Variants in TMEM232 observed in about 807,000 individuals in gnomAD.
TMEM232 encodes transmembrane protein 232.
In TMEM232, 80 loss-of-function variants were observed where a neutral mutation model predicts 78.8. That is an observed-to-expected ratio of 1.01 (90% CI 0.85 to 1.22). The LOEUF (loss-of-function observed/expected upper bound fraction) is 1.22, where lower values mean the gene tolerates loss of function less well. Among genes scored for constraint, TMEM232 ranks in the 50% most tolerant of loss-of-function variants. TMEM232 has a pLI of 0.00. For synonymous variants in TMEM232, 297 were observed against 254.3 expected (o/e 1.17, Z -1.60); for missense variants, 881 against 742.2 (o/e 1.19, Z -2.17).
intron 11 of TMEM232, among the ~76,000 whole-genome samples, chr5:110,552,851 G>T (rs957746578): frequency 1.3e-5 from 2 of 152,034 alleles, no homozygotes; most frequent in Non-Finnish European, 2.9e-5. Flanking sequence ...TAGGCTTTCT[G>T]CTAGGGTTTT....
intron 11 of TMEM232, among the ~76,000 whole-genome samples, chr5:110,541,941 G>A (rs7709186): frequency 0.013 from 2,020 of 152,244 alleles, 42 homozygotes; most frequent in African/African-American, 0.045. Flanking sequence ...TGAAAACATG[G>A]AAAAAGAGAT....
At chr5:110,514,458 A>G (rs1768296210) in intron 12 of TMEM232, among the ~76,000 whole-genome samples, 1 of 152,154 alleles carries the variant, frequency 6.6e-6, no homozygotes. Flanking sequence ...ATGGAACAAA[A>G]GGATAAGGAA....
At chr5:110,518,936 T>C (rs1007489765) in intron 12 of TMEM232, among the ~76,000 whole-genome samples, 5 of 151,140 alleles carry the variant, frequency 3.3e-5, no homozygotes, top group African/African-American at 1.2e-4. Flanking sequence ...AGCTGGTGCA[T>C]TGAAAAAAAA....
intron 2 of TMEM232, among the ~76,000 whole-genome samples, chr5:110,409,564 C>G (rs1383937923): frequency 6.6e-6 from 1 of 152,160 alleles, no homozygotes; most frequent in Non-Finnish European, 1.5e-5. Flanking sequence ...GTTGCTGTTG[C>G]CACAGCTAGT....
chr5:110,392,853 A>T (rs1214270390), intron 3 of TMEM232, among the ~76,000 whole-genome samples: 1 of 152,122 alleles, frequency 6.6e-6, no homozygotes, highest in Non-Finnish European at 1.5e-5. Context: ...ATAACACTCT[A>T]TTTGTATGTC....
chr5:110,532,485 G>A (rs529365304), intron 11 of TMEM232, among the ~76,000 whole-genome samples: 27 of 151,930 alleles, frequency 1.8e-4, no homozygotes, highest in Middle Eastern at 6.8e-3. Context: ...TAACTGTTGT[G>A]GGTACTGATG....
At chr5:110,696,576 CCTT>C (rs1487176660) in intron 1 of TMEM232, among the ~76,000 whole-genome samples, 2 of 152,274 alleles carry the variant, frequency 1.3e-5, no homozygotes, top group African/African-American at 4.8e-5. Flanking sequence ...CCCAAAATCT[CCTT>C]AAGCTGATAA....
chr5:110,722,684 G>A (rs938921484), intron 1 of TMEM232, among the ~76,000 whole-genome samples: 2 of 152,116 alleles, frequency 1.3e-5, no homozygotes, highest in African/African-American at 4.8e-5. Context: ...ACATTTTATT[G>A]GTCATACAGA....
chr5:110,696,417 A>G (rs1028160920), intron 1 of TMEM232, among the ~76,000 whole-genome samples: 1 of 151,954 alleles, frequency 6.6e-6, no homozygotes, highest in African/African-American at 2.4e-5. Flanking sequence ...CTCTCTCACC[A>G]CTCCTATTCA....
chr5:110,495,054 G>C (rs1765498934), intron 12 of TMEM232, among the ~76,000 whole-genome samples: 1 of 151,342 alleles, frequency 6.6e-6, no homozygotes, highest in Admixed American at 6.6e-5. Context: ...TTATATGGTA[G>C]GCTTCTAAGT....
chr5:110,436,529 C>T (rs1296481072), intron 12 of TMEM232, among the ~76,000 whole-genome samples: 1 of 151,922 alleles, frequency 6.6e-6, no homozygotes. Flanking sequence ...TAAATTTTTC[C>T]CTAGACCAAT....
At chr5:110,615,601 T>C (rs140840752) in intron 8 of TMEM232, among the ~76,000 whole-genome samples, 177 of 152,038 alleles carry the variant, frequency 1.2e-3, no homozygotes, top group Non-Finnish European at 2.0e-3. Context: ...CTCACCACTT[T>C]TATGTAACAT....
chr5:110,663,533 G>C (rs1441111305), intron 2 of TMEM232, among the ~76,000 whole-genome samples: 3 of 151,052 alleles, frequency 2.0e-5, no homozygotes, highest in Non-Finnish European at 4.4e-5. Flanking sequence ...ATACCCATAT[G>C]AAAAAAAACA....
At chr5:110,432,623 T>C (rs183590180) in intron 12 of TMEM232, among the ~76,000 whole-genome samples, 1 of 151,862 alleles carries the variant, frequency 6.6e-6, no homozygotes, top group East Asian at 1.9e-4. Context: ...CAAAGCCTAA[T>C]ATTTCAATAT....
At chr5:110,455,478 A>C (rs910247086) in intron 12 of TMEM232, among the ~76,000 whole-genome samples, 6 of 151,982 alleles carry the variant, frequency 3.9e-5, no homozygotes, top group South Asian at 2.1e-4. Context: ...CTTGCGTTCA[A>C]GCCATTCTCC....
intron 12 of TMEM232, among the ~76,000 whole-genome samples, chr5:110,498,135 A>G (rs1765829455): frequency 6.6e-6 from 1 of 152,184 alleles, no homozygotes; most frequent in Admixed American, 6.5e-5. Context: ...AAAATAAAGT[A>G]TCCCAAATCT....
intron 8 of TMEM232, chr5:110,610,500 GA>G: frequency 2.2e-6 from 1 of 455,416 alleles, no homozygotes; most frequent in Non-Finnish European, 4.4e-6. Context: ...GTCAATACAA[GA>G]CCTTGAAAAA....
intron 12 of TMEM232, among the ~76,000 whole-genome samples, chr5:110,449,163 TCAAA>T (rs1247088088): frequency 2.6e-5 from 4 of 152,144 alleles, no homozygotes; most frequent in African/African-American, 9.6e-5. Context: ...GGCAAAATCA[TCAAA>T]CAGTTAAAAG....
chr5:110,511,850 GA>G (rs1156439287), intron 12 of TMEM232, among the ~76,000 whole-genome samples: 1 of 152,012 alleles, frequency 6.6e-6, no homozygotes, highest in African/African-American at 2.4e-5. Context: ...AGATAAAATG[GA>G]AAATCCTAGT....
Sources: gnomAD v4.1 joint callset for allele counts (sites outside exome capture counted in the v4.1 genomes callset) on GRCh38, gnomAD v4.1.1 for gene constraint, MANE v1.5 for transcripts, NCBI Gene and HGNC (gene_info 2026-07-23, HGNC 2026-07-21) for gene names.